Variants in ZNF782 observed in about 807,000 individuals in gnomAD.
ZNF782 encodes zinc finger protein 782.
Under a neutral mutation model 13.0 loss-of-function variants are expected in ZNF782, and 12 were observed. The observed-to-expected ratio is 0.92, with a 90% CI of 0.59 to 1.50. The LOEUF (loss-of-function observed/expected upper bound fraction) is 1.50, where lower values mean the gene tolerates loss of function less well. Ranked by LOEUF, ZNF782 falls within the 40% of genes most tolerant of loss-of-function variation. ZNF782 has a pLI of 0.00. For missense variants in ZNF782, 770 were observed against 822.9 expected, an observed-to-expected ratio of 0.94 and a Z score of 0.79; for synonymous variants, 284 against 283.0, an observed-to-expected ratio of 1.00 and a Z score of -0.04.
the ZNF782 span, among the ~76,000 whole-genome samples, chr9:96,925,720 T>C: frequency 1.3e-5 from 2 of 150,312 alleles, no homozygotes; most frequent in Non-Finnish European, 2.9e-5. Context: ...TCAGATCCTT[T>C]CTGCTCATTT....
upstream of ZNF782, among the ~76,000 whole-genome samples, chr9:96,878,624 T>C (rs917474387): frequency 6.6e-6 from 1 of 152,252 alleles, no homozygotes; most frequent in Non-Finnish European, 1.5e-5. Context: ...GATCAGGCTA[T>C]AGAGAAGGAA....
In ZNF782 at chr9:96,819,510, C is replaced by T; in HGVS notation, c.513G>A (p.Trp171Ter). The T allele has an allele frequency of 6.2e-7, 1 of 1,613,154 alleles. No homozygotes were observed. The highest frequency in any genetic ancestry group is 1.3e-5 in the African/African-American group (1 of 74,942). ...KAHERNVCDKWLISIKDGRTN... is the reference protein window; with the variant it reads ...KAHERNVCDK ...TTCTGCCATCCTTAATACTGATGAG[C>T]CATTTGTCACAAACATTACGCTCAT... is the stretch of plus-strand genomic sequence containing the variant. The change falls in exon 6 of 6, where the codon TGG (tryptophan) becomes TGA (stop). Residue 171 changes from tryptophan (W) to a stop codon, truncating the protein, a stop_gained. Transcript: ENST00000481138. LOFTEE classifies it low-confidence loss of function (END_TRUNC).
the ZNF782 span, among the ~76,000 whole-genome samples, chr9:96,931,324 C>T: frequency 6.6e-6 from 1 of 151,582 alleles, no homozygotes; most frequent in Non-Finnish European, 1.5e-5. Context: ...TTCTGAATGC[C>T]GAGCACTGCC....
chr9:96,899,050 C>A, the ZNF782 span, among the ~76,000 whole-genome samples: 2 of 149,164 alleles, frequency 1.3e-5, no homozygotes, highest in Non-Finnish European at 2.9e-5. Flanking sequence ...CACCATTCTA[C>A]TTTCTGTCTG....
chr9:96,879,396 G>A (rs974400508), upstream of ZNF782, among the ~76,000 whole-genome samples: 6 of 152,170 alleles, frequency 3.9e-5, no homozygotes, highest in Non-Finnish European at 7.4e-5. Context: ...CCAGCTACTC[G>A]GGAGGCTGAG....
At position 96,818,840 on chromosome 9, in the gene ZNF782, C is replaced by A; in HGVS notation, c.1183G>T (p.Glu395Ter). 1 of 1,612,468 alleles carries A rather than the reference C, an allele frequency of 6.2e-7. No homozygotes were observed. The highest frequency in any genetic ancestry group is 8.5e-7 in the Non-Finnish European group (1 of 1,179,468). Residue 395 changes from glutamate (E) to a stop codon, truncating the protein, a stop_gained, in exon 6 of 6, where the codon GAA becomes TAA. Transcript: ENST00000481138. LOFTEE classifies it low-confidence loss of function (END_TRUNC). Reference protein sequence around the residue: ...QKSHTGEKPYECPECGKAFSE... With the variant: ...QKSHTGEKPY ...AAGGCTTTCCCGCACTCAGGACATT[C>A]ATAGGGTTTCTCCCCTGTGTGACTT...
chr9:96,830,107 G>A (rs2118505312), intron 4 of ZNF782, among the ~76,000 whole-genome samples: 1 of 152,284 alleles, frequency 6.6e-6, no homozygotes, highest in Admixed American at 6.5e-5. Context: ...AAAACCCAAA[G>A]CTTGTGCTCT....
the ZNF782 span, among the ~76,000 whole-genome samples, chr9:96,900,155 T>C: frequency 6.6e-6 from 1 of 151,408 alleles, no homozygotes; most frequent in Non-Finnish European, 1.5e-5. Flanking sequence ...CTCTGAGATA[T>C]TGGTTAAGCT....
At chr9:96,867,038 T>C (rs1851763568) in intron 1 of ZNF782, among the ~76,000 whole-genome samples, 1 of 152,240 alleles carries the variant, frequency 6.6e-6, no homozygotes, top group Admixed American at 6.5e-5. Flanking sequence ...GATGAGACTT[T>C]GGACTGTGGA....
intron 5 of ZNF782, among the ~76,000 whole-genome samples, chr9:96,823,275 C>T (rs1047942350): frequency 3.3e-5 from 5 of 152,272 alleles, no homozygotes; most frequent in South Asian, 2.1e-4. Context: ...TCACCTGTGT[C>T]CTCATTTGCT....
At chr9:96,901,922 CTATA>C in the ZNF782 span, among the ~76,000 whole-genome samples, 1 of 145,346 alleles carries the variant, frequency 6.9e-6, no homozygotes, top group African/African-American at 2.5e-5. Context: ...AAAATTATGA[CTATA>C]TATCATAATT....
rs1455606973 is a variant in ZNF782 at position 96,818,648 on chromosome 9, A to G, written c.1375T>C (p.Phe459Leu). 1 of 1,614,014 alleles carries G rather than the reference A, an allele frequency of 6.2e-7. No individual in the cohort carries two copies. The highest frequency in any genetic ancestry group is 1.7e-5 in the Admixed American group (1 of 60,010). ...PFECHECGKS[F>L]NYKSILIVHQ... ...ACTATGAGGATTGACTTATAGTTAAAAGATTTCCCACATTCATGACATTCG... is the reference window on the plus strand; with the variant it reads ...ACTATGAGGATTGACTTATAGTTAAGAGATTTCCCACATTCATGACATTCG... Residue 459 changes from phenylalanine (F) to leucine (L), a missense_variant, in exon 6 of 6, where the codon TTT (phenylalanine) becomes CTT (leucine). Physicochemically the swap from Phe to Leu is conservative, Grantham distance 22. Coordinates refer to ENST00000481138, the MANE Select transcript of ZNF782 (RefSeq NM_001001662.3).
At position 96,851,737 on chromosome 9, in the gene ZNF782, A is replaced by G. The variant is rs949813437; in HGVS notation, c.15+210T>C. ...AAAGTATTTAATATAATTCATGTGC[A>G]TTCATGACTAACATGACATCTTGGC... is the stretch of plus-strand genomic sequence containing the variant. On this transcript the variant is annotated intron_variant, in intron 3 of 5. Coordinates refer to ENST00000481138, the MANE Select transcript of ZNF782 (RefSeq NM_001001662.3). Among the ~76,000 whole-genome samples, 3 of 152,246 alleles carry G rather than the reference A, an allele frequency of 2.0e-5. No individual in the cohort carries two copies. In the South Asian group the frequency reaches 6.2e-4, roughly 31 times the overall value.
At chr9:96,920,792 T>C in the ZNF782 span, among the ~76,000 whole-genome samples, 1 of 150,322 alleles carries the variant, frequency 6.7e-6, no homozygotes, top group Non-Finnish European at 1.5e-5. Flanking sequence ...CACATGCCTG[T>C]AATCCCAGCT....
the ZNF782 span, among the ~76,000 whole-genome samples, chr9:96,901,523 C>T: frequency 3.3e-5 from 5 of 151,824 alleles, no homozygotes; most frequent in African/African-American, 4.8e-5. Context: ...CCTCCCACCT[C>T]GGCCTCCCAA....
chr9:96,882,363 C>T, the ZNF782 span, among the ~76,000 whole-genome samples: 2 of 152,076 alleles, frequency 1.3e-5, no homozygotes, highest in South Asian at 2.1e-4. Flanking sequence ...CAGTACATTT[C>T]GCATTATTTC....
At chr9:96,925,515 G>A in the ZNF782 span, among the ~76,000 whole-genome samples, 1 of 151,354 alleles carries the variant, frequency 6.6e-6, no homozygotes, top group Admixed American at 6.6e-5. Context: ...GCGCGCACTT[G>A]TAGTCCCAGT....
chr9:96,931,806 C>T, the ZNF782 span: 20 of 1,611,912 alleles, frequency 1.2e-5, no homozygotes, highest in Non-Finnish European at 1.6e-5. Flanking sequence ...GCCACACCCT[C>T]TCCCGGCCCA....
intron 3 of ZNF782, 40 bp downstream of exon 3, chr9:96,851,907 T>C (rs1851499208): frequency 6.2e-7 from 1 of 1,601,376 alleles, no homozygotes; most frequent in Admixed American, 1.7e-5. Flanking sequence ...CCTCATAAAA[T>C]CCATTACAAT....
Sources: gnomAD v4.1 joint callset for allele counts (sites outside exome capture counted in the v4.1 genomes callset) on GRCh38, gnomAD v4.1.1 for gene constraint, MANE v1.5 for transcripts, NCBI Gene and HGNC (gene_info 2026-07-23, HGNC 2026-07-21) for gene names.